The following RUBCNL variants were observed in gnomAD, a reference collection of about 807,000 sequenced individuals.
RUBCNL encodes the protein rubicon like autophagy enhancer, also known as protein associated with UVRAG as autophagy enhancer.
RUBCNL carries 62 observed loss-of-function variants against 69.5 expected under a neutral mutation model. The ratio of observed to expected loss-of-function variants is 0.89; its 90% CI spans 0.73 to 1.10. RUBCNL has a LOEUF of 1.10. Ranked by LOEUF, RUBCNL falls within the 50% of genes least tolerant of loss-of-function variation. RUBCNL has a pLI of 0.00. For missense variants in RUBCNL, 768 were observed against 798.1 expected, an observed-to-expected ratio of 0.96 and a Z score of 0.45; for synonymous variants, 291 against 303.6, an observed-to-expected ratio of 0.96 and a Z score of 0.43.
At chr13:46,345,712 AT>A in intron 12 of RUBCNL, 112 bp from the exon 13 acceptor site, 1 of 1,035,724 alleles carries the variant, frequency 9.7e-7, no homozygotes, top group Non-Finnish European at 1.4e-6. Context: ...TTTTAACTCA[AT>A]TTAAAAAATA....
intron 1 of RUBCNL, 40 bp downstream of exon 1, chr13:46,387,094 C>A: frequency 1.0e-6 from 1 of 985,830 alleles, no homozygotes; most frequent in South Asian, 4.7e-5. Flanking sequence ...CTCTCCACCC[C>A]GCGCCGCTCC....
chr13:46,363,242 C>T (rs1308772407), intron 5 of RUBCNL, 29 bp from the exon 6 acceptor site: 5 of 1,311,770 alleles, frequency 3.8e-6, no homozygotes, highest in African/African-American at 1.5e-5. Flanking sequence ...GAGGTTTTTA[C>T]CAATAAGAAG....
chr13:46,385,978 T>C (rs187963980), intron 1 of RUBCNL, among the ~76,000 whole-genome samples: 4 of 152,252 alleles, frequency 2.6e-5, no homozygotes, highest in African/African-American at 7.2e-5. Context: ...AAACTGGGGT[T>C]TGAGAAACAG....
At chr13:46,349,167 C>G (rs1464033118) in intron 12 of RUBCNL, 119 bp downstream of exon 12, 2 of 785,036 alleles carry the variant, frequency 2.5e-6, no homozygotes, top group Non-Finnish European at 2.1e-6. Flanking sequence ...CCAAGGAAAG[C>G]CATGAGGTCA....
Position 46,372,458 on chromosome 13 carries a change from T to C in RUBCNL, c.18A>G (p.Thr6=), listed in dbSNP as rs116819864. The change falls in exon 3 of 15, where the codon ACA becomes ACG. Residue 6 remains threonine (T), a synonymous_variant. Coordinates refer to ENST00000429979, the MANE Select transcript of RUBCNL (RefSeq NM_025113.5). ...GCTCCACAGGAGAATCCTGCCTGAC[T>C]GTAGATTGTGACACCATCTTTCCAG... is the stretch of plus-strand genomic sequence containing the variant. MVSQS[T]VRQDSPVEPW... 928 of 1,606,256 alleles carry C rather than the reference T, an allele frequency of 5.8e-4. 4 individuals are homozygous for C. The African/African-American group carries it at 0.011, about 20-fold the overall frequency.
Position 46,362,686 on chromosome 13 carries a change from C to G in RUBCNL, c.926-88G>C, listed in dbSNP as rs2048641422. On this transcript the variant is annotated intron_variant, in intron 6 of 14. Coordinates refer to ENST00000429979, the MANE Select transcript of RUBCNL (RefSeq NM_025113.5). ...ATTTTATAAGAACACTAAAATCACT[C>G]CCTGCATCTCAGAAAGAGCAAATTA... 3.4e-6 allele frequency: 3 copies of G among 875,256 alleles called. No individual in the cohort carries two copies. In the East Asian group the frequency reaches 8.0e-5, roughly 23 times the overall value. 54.2% of individuals were successfully genotyped at this position (875,256 alleles called of 1,614,324 possible).
chr13:46,360,000 TC>T (rs1310861062), intron 8 of RUBCNL, among the ~76,000 whole-genome samples: 7 of 152,176 alleles, frequency 4.6e-5, no homozygotes, highest in African/African-American at 1.7e-4. Context: ...TTATTAGTCT[TC>T]CCCAGAAACA....
intron 2 of RUBCNL, among the ~76,000 whole-genome samples, chr13:46,376,197 C>T (rs2264980): frequency 0.39 from 59,101 of 151,816 alleles, 12,103 homozygotes; most frequent in East Asian, 0.59. Context: ...AAAAGTTGTG[C>T]GCAGATTTTC....
At chr13:46,363,619 G>A (rs973928545) in intron 5 of RUBCNL, among the ~76,000 whole-genome samples, 5 of 152,154 alleles carry the variant, frequency 3.3e-5, no homozygotes, top group Non-Finnish European at 7.4e-5. Context: ...TCAGGAGGCT[G>A]AGGTAGGAGA....
At position 46,372,440 on chromosome 13, in the gene RUBCNL, A is replaced by G; in HGVS notation, c.36T>C (p.Pro12=). Residue 12 remains proline (P), a synonymous_variant, in exon 3 of 15, where the codon CCT becomes CCC. Transcript: ENST00000429979. ...VSQSTVRQDS[P]VEPWEGISDH... The stretch of plus-strand genomic sequence containing the variant: ...CGCTGATCCCTTCCCAGGGCTCCAC[A>G]GGAGAATCCTGCCTGACTGTAGATT... 1 of 1,610,934 alleles carries G rather than the reference A, an allele frequency of 6.2e-7. No individual in the cohort carries two copies. The highest frequency in any genetic ancestry group is 2.2e-5 in the East Asian group (1 of 44,842).
chr13:46,387,218 G>A lies in RUBCNL; in HGVS notation c.-323C>T. ...CTCGCGCGGCTCCGGGCAGCGTTCCGTGGCCACCGCGCTCCCGGTAACAGC... is the reference window on the plus strand; with the variant it reads ...CTCGCGCGGCTCCGGGCAGCGTTCCATGGCCACCGCGCTCCCGGTAACAGC... On this transcript the variant is annotated 5_prime_UTR_variant, in exon 1 of 15. In the 5' UTR this introduces an upstream ATG that the reference lacks. Transcript: ENST00000429979. 9.1e-6 allele frequency: 9 copies of A among 985,348 alleles called. No homozygotes were observed. The highest frequency in any genetic ancestry group is 1.1e-5 in the Non-Finnish European group (9 of 829,952). The allele number at this position is 985,348 out of a possible 1,614,324, so 61.0% of individuals were successfully genotyped here.
intron 1 of RUBCNL, among the ~76,000 whole-genome samples, chr13:46,383,571 T>A (rs114208316): frequency 0.01 from 1,556 of 152,334 alleles, 27 homozygotes; most frequent in African/African-American, 0.028. Context: ...GAATCCTTCA[T>A]GGTGCTTCAG....
chr13:46,387,933 T>C (rs1236089570), upstream of RUBCNL: 3 of 861,750 alleles, frequency 3.5e-6, no homozygotes, highest in Admixed American at 6.2e-5. Flanking sequence ...TCTGGCCGGG[T>C]GCGGTGGTTC....
chr13:46,347,012 T>C (rs1252488951), intron 12 of RUBCNL, among the ~76,000 whole-genome samples: 1 of 152,142 alleles, frequency 6.6e-6, no homozygotes, highest in African/African-American at 2.4e-5. Flanking sequence ...GATTTGGGGG[T>C]ATGTGTGCAG....
chr13:46,359,551 G>A lies in RUBCNL; in HGVS notation c.1200C>T (p.Ile400=), dbSNP rs1747112644. ...GAGGAGCCCAGTCTTCAGTCCCTCT[G>A]ATCCTAGACTTAAATTTAATTTCCT... The part of the protein sequence containing the change: ...VVQEIKFKSR[I]RGTEDWAPPR... The change falls in exon 9 of 15, where the codon ATC becomes ATT. Residue 400 remains isoleucine, a synonymous_variant. Transcript: ENST00000429979. 1 of 1,592,492 alleles carries A rather than the reference G, an allele frequency of 6.3e-7. No individual in the cohort carries two copies. The highest frequency in any genetic ancestry group is 8.6e-7 in the Non-Finnish European group (1 of 1,168,484).
intron 2 of RUBCNL, among the ~76,000 whole-genome samples, chr13:46,376,950 C>T (rs553031034): frequency 1.3e-5 from 2 of 152,156 alleles, no homozygotes; most frequent in Non-Finnish European, 2.9e-5. Flanking sequence ...CCAGACCCTA[C>T]TGATAGAAAT....
intron 2 of RUBCNL, among the ~76,000 whole-genome samples, chr13:46,372,974 T>C (rs1325486581): frequency 6.6e-6 from 1 of 151,900 alleles, no homozygotes; most frequent in Admixed American, 6.6e-5. Flanking sequence ...ATTTTCTTTC[T>C]TTCTTTTTTT....
rs939319576 is a variant in RUBCNL at position 46,339,623 on chromosome 13, C to T, written c.*3762G>A. ...CCTGTAATCCCAGCACTTTTGGAAGCCGAAGCAGGCAGATCACCTGAGGTC... is the reference window on the plus strand; with the variant it reads ...CCTGTAATCCCAGCACTTTTGGAAGTCGAAGCAGGCAGATCACCTGAGGTC... On this transcript the variant is annotated 3_prime_UTR_variant, in exon 15 of 15. Coordinates refer to ENST00000429979, the MANE Select transcript of RUBCNL (RefSeq NM_025113.5). 1.3e-5 allele frequency among the ~76,000 whole-genome samples: 2 copies of T among 152,150 alleles called. No individual in the cohort carries two copies. Among genetic ancestry groups the T allele is most frequent in the Admixed American group, 6.5e-5 (1 of 15,274 alleles).
At chr13:46,372,978 T>C (rs2048911901) in intron 2 of RUBCNL, among the ~76,000 whole-genome samples, 1 of 142,916 alleles carries the variant, frequency 7.0e-6, no homozygotes, top group African/African-American at 2.6e-5. Flanking sequence ...TCTTTCTTTC[T>C]TTTTTTTTTT....
Sources: allele counts gnomAD v4.1 joint callset (sites outside exome capture counted in the v4.1 genomes callset), GRCh38; gene constraint gnomAD v4.1.1; transcripts MANE v1.5; gene names NCBI Gene and HGNC (gene_info 2026-07-23, HGNC 2026-07-21).